Variants in ZNHIT1 observed in about 807,000 individuals in gnomAD.
ZNHIT1 encodes zinc finger HIT-type containing 1.
A neutral mutation model predicts 21.4 loss-of-function variants in ZNHIT1; 20 were observed. That is an observed-to-expected ratio of 0.93 (90% CI 0.66 to 1.36). The LOEUF is 1.36. ZNHIT1 is among the 40% of genes most tolerant of loss of function. The pLI, the probability that ZNHIT1 is intolerant of heterozygous loss-of-function variation, is 0.00. For missense variants in ZNHIT1, 170 were observed against 213.5 expected (o/e 0.80, Z 1.27); for synonymous variants, 79 against 84.0 (o/e 0.94, Z 0.32).
Position 101,224,119 on chromosome 7 carries a change from C to T in ZNHIT1, c.*161C>T, listed in dbSNP as rs1411058913. On this transcript the variant is annotated 3_prime_UTR_variant, in exon 5 of 5. Coordinates refer to ENST00000305105, the MANE Select transcript of ZNHIT1 (RefSeq NM_006349.3). ...CTTATCTGCCAGGAAAGACCAGCCT[C>T]ACTCCTGGGAACTGTCTGGCAGGTA... is the stretch of plus-strand genomic sequence containing the variant. 5.3e-5 allele frequency: 60 copies of T among 1,121,790 alleles called. No individual in the cohort carries two copies. In the East Asian group the frequency reaches 1.3e-3, roughly 25 times the overall value. 69.5% of individuals were successfully genotyped at this position (1,121,790 alleles called of 1,614,324 possible).
intron 1 of ZNHIT1, chr7:101,218,637 C>A: frequency 5.2e-6 from 1 of 193,386 alleles, no homozygotes; most frequent in Non-Finnish European, 1.1e-5. Flanking sequence ...CCTTCATTCA[C>A]GTTTTATTGG....
chr7:101,223,656 G>A lies in ZNHIT1; in HGVS notation c.274-17G>A. On this transcript the variant is annotated splice_polypyrimidine_tract_variant and intron_variant, in intron 3 of 4. Coordinates refer to ENST00000305105, the MANE Select transcript of ZNHIT1 (RefSeq NM_006349.3). Reference sequence around the variant, plus strand: ...GGTGGGCGGAGGAGTTCTAGAGCCGGCCCCTTGTCTCTGCAGAACTTGAGT... The same window carrying A: ...GGTGGGCGGAGGAGTTCTAGAGCCGACCCCTTGTCTCTGCAGAACTTGAGT... 1 of 1,611,260 alleles carries A rather than the reference G, an allele frequency of 6.2e-7. No individual in the cohort carries two copies. The highest frequency in any genetic ancestry group is 8.5e-7 in the Non-Finnish European group (1 of 1,178,444).
chr7:101,219,146 C>T (rs1346102904), intron 1 of ZNHIT1: 1 of 152,190 alleles, frequency 6.6e-6, no homozygotes, highest in African/African-American at 2.4e-5. Context: ...GCTCTGTCAC[C>T]CAGGCTGGAA....
In ZNHIT1 at chr7:101,223,570, C is replaced by T. The variant is rs765902856; in HGVS notation, c.273+14C>T. On this transcript the variant is annotated intron_variant, in intron 3 of 4. Transcript: ENST00000305105. The stretch of plus-strand genomic sequence containing the variant: ...TTGGAGGAGCAGGTGAGAGGAGGGT[C>T]GGCCTGGGAGGACCCCACAGGGAAG... The T allele has an allele frequency of 1.9e-5, 30 of 1,614,028 alleles. No homozygotes were observed. The highest frequency in any genetic ancestry group is 1.6e-4 in the Middle Eastern group (1 of 6,082).
chr7:101,224,026 C>A lies in ZNHIT1; in HGVS notation c.*68C>A. Reference sequence around the variant, plus strand: ...GGCCTTCAGAAAGACAGAATTTCATCACCCAATGCAGGGGGAGCTCTTCCT... The same window carrying A: ...GGCCTTCAGAAAGACAGAATTTCATAACCCAATGCAGGGGGAGCTCTTCCT... On this transcript the variant is annotated 3_prime_UTR_variant, in exon 5 of 5. Transcript: ENST00000305105. 1 of 1,610,438 alleles carries A rather than the reference C, an allele frequency of 6.2e-7. No individual in the cohort carries two copies. The highest frequency in any genetic ancestry group is 1.1e-5 in the South Asian group (1 of 91,008).
chr7:101,224,123 C>T lies in ZNHIT1; in HGVS notation c.*165C>T. On this transcript the variant is annotated 3_prime_UTR_variant, in exon 5 of 5. Transcript: ENST00000305105. ...TCTGCCAGGAAAGACCAGCCTCACT[C>T]CTGGGAACTGTCTGGCAGGTAGGCT... The T allele has an allele frequency of 9.4e-7, 1 of 1,068,478 alleles. No homozygotes were observed. The highest frequency in any genetic ancestry group is 1.4e-6 in the Non-Finnish European group (1 of 736,820). 66.2% of individuals were successfully genotyped at this position (1,068,478 alleles called of 1,614,324 possible).
Position 101,223,710 on chromosome 7 carries a change from C to A in ZNHIT1, c.311C>A (p.Ala104Asp). The A allele has an allele frequency of 6.2e-7, 1 of 1,612,128 alleles. No individual in the cohort carries two copies. The part of the protein sequence containing the change: ...SVAEGPNYLT[A>D]CAGPPSRPQR... ...GCCGAGGGCCCTAACTACCTGACGG[C>A]CTGTGCGGGACCCCCATCGCGGCCC... The change falls in exon 4 of 5, where the codon GCC becomes GAC. Residue 104 changes from alanine to aspartate, a missense_variant. Physicochemically the swap from Ala to Asp is moderately radical, Grantham distance 126. Transcript: ENST00000305105.
intron 1 of ZNHIT1, 59 bp from the exon 2 acceptor site, chr7:101,222,545 G>A (rs1470393168): frequency 5.8e-6 from 9 of 1,557,550 alleles, no homozygotes; most frequent in Admixed American, 5.5e-5. Context: ...TGCCCAGAGC[G>A]GCGGCCACAC....
Position 101,223,679 on chromosome 7 carries a change from A to C in ZNHIT1, c.280A>C (p.Ser94Arg). Residue 94 changes from serine (S) to arginine (R), a missense_variant, in exon 4 of 5, where the codon AGT (serine) becomes CGT (arginine). By Grantham distance (110) the Ser-to-Arg change is moderately radical. Transcript: ENST00000305105. Reference sequence around the variant, plus strand: ...CGGCCCCTTGTCTCTGCAGAACTTGAGTGTGGCCGAGGGCCCTAACTACCT... The same window carrying C: ...CGGCCCCTTGTCTCTGCAGAACTTGCGTGTGGCCGAGGGCCCTAACTACCT... ...FQALLEEQNL[S>R]VAEGPNYLTA... is the part of the protein sequence containing the mutation. 6.2e-7 allele frequency: 1 copy of C among 1,610,210 alleles called. No individual in the cohort carries two copies. Among genetic ancestry groups the C allele is most frequent in the Middle Eastern group, 1.7e-4 (1 of 6,030 alleles).
Position 101,222,661 on chromosome 7 carries a change from G to C in ZNHIT1, c.80G>C (p.Arg27Pro). Residue 27 changes from arginine to proline, a missense_variant, in exon 2 of 5, where the codon CGC becomes CCC. Arg to Pro is a moderately radical substitution (Grantham distance 103). Transcript: ENST00000305105. ...CTGGACCGGGCTGCCCGGCAGCGTC[G>C]CATCAACCGGCAGCTGGAGGCCCTG... ...RVLDRAARQR[R>P]INRQLEALEN... 6.2e-7 allele frequency: 1 copy of C among 1,614,048 alleles called. No individual in the cohort carries two copies. The highest frequency in any genetic ancestry group is 2.2e-5 in the East Asian group (1 of 44,880).
chr7:101,222,097 G>A (rs189730976), intron 1 of ZNHIT1: 154 of 154,496 alleles, frequency 1.0e-3, no homozygotes, highest in Admixed American at 3.6e-3. Context: ...TGGGCTGGAG[G>A]TGAAGGCTCG....
Position 101,222,768 on chromosome 7 carries a change from G to C in ZNHIT1, c.187G>C (p.Asp63His). 6.2e-7 allele frequency: 1 copy of C among 1,613,854 alleles called. No homozygotes were observed. Among genetic ancestry groups the C allele is most frequent in the Non-Finnish European group, 8.5e-7 (1 of 1,179,780 alleles). The change falls in exon 2 of 5, where the codon GAC becomes CAC. Residue 63 changes from aspartate to histidine, a missense_variant. By Grantham distance (81) the Asp-to-His change is moderately conservative. Transcript: ENST00000305105. ...ACTGCCTCAGTTTGATGACGATGCG[G>C]ACACTGGTGAGGCGGATGGAGGAGG... is the stretch of plus-strand genomic sequence containing the variant. ...KRLPQFDDDADTGKKKKKTRG... is the reference protein window; with the variant it reads ...KRLPQFDDDAHTGKKKKKTRG...
chr7:101,218,321 TG>T (rs879821132), intron 1 of ZNHIT1, 104 bp downstream of exon 1: 47 of 1,265,758 alleles, frequency 3.7e-5, no homozygotes, highest in Non-Finnish European at 4.8e-5. Flanking sequence ...TCGCCTAGGC[TG>T]GAGTGCAGTG....
At chr7:101,222,837 A>T in intron 2 of ZNHIT1, 63 bp downstream of exon 2, 2 of 1,560,502 alleles carry the variant, frequency 1.3e-6, no homozygotes, top group Middle Eastern at 3.5e-4. Flanking sequence ...AGTCCGCCCA[A>T]CTCAGGCTGT....
chr7:101,218,247 C>T, intron 1 of ZNHIT1, 30 bp downstream of exon 1: 1 of 1,607,872 alleles, frequency 6.2e-7, no homozygotes, highest in Non-Finnish European at 8.5e-7. Flanking sequence ...TCGCCCCCTT[C>T]CCCTTCCCAA....
intron 1 of ZNHIT1, chr7:101,218,911 GT>G (rs1246245212): frequency 6.5e-6 from 1 of 152,740 alleles, no homozygotes; most frequent in East Asian, 1.9e-4. Flanking sequence ...TCTAGTTAGG[GT>G]TTCTCTCAGT....
At chr7:101,222,994 G>T (rs1020986177) in intron 2 of ZNHIT1, among the ~76,000 whole-genome samples, 1 of 152,204 alleles carries the variant, frequency 6.6e-6, no homozygotes, top group East Asian at 1.9e-4. Flanking sequence ...GAAGCCTTAG[G>T]CTTGGGGGCA....
chr7:101,223,614 C>A, intron 3 of ZNHIT1, 58 bp downstream of exon 3: 2 of 1,613,674 alleles, frequency 1.2e-6, no homozygotes, highest in Non-Finnish European at 1.7e-6. Context: ...CTGGCCCGGG[C>A]AGGTGTTCGC....
In ZNHIT1 at chr7:101,224,159, G is replaced by T. The variant is rs754326781; in HGVS notation, c.*201G>T. ...TCTGGCAGGTAGGCTGGGCCCCCCA[G>T]TGCTGTTAGAATAAAAAGCCTCGTG... On this transcript the variant is annotated 3_prime_UTR_variant, in exon 5 of 5. Coordinates refer to ENST00000305105, the MANE Select transcript of ZNHIT1 (RefSeq NM_006349.3). 3 of 755,062 alleles carry T rather than the reference G, an allele frequency of 4.0e-6. No homozygotes were observed. The highest frequency in any genetic ancestry group is 6.3e-6 in the Non-Finnish European group (3 of 474,444). 46.8% of individuals were successfully genotyped at this position (755,062 alleles called of 1,614,324 possible). A position where few individuals can be genotyped will look rare whatever the true frequency, so the allele number is the denominator to read the frequency against.
Sources: gnomAD v4.1 joint callset for allele counts (sites outside exome capture counted in the v4.1 genomes callset) on GRCh38, gnomAD v4.1.1 for gene constraint, MANE v1.5 for transcripts, NCBI Gene and HGNC (gene_info 2026-07-23, HGNC 2026-07-21) for gene names.